Variants in DNAJC13 observed in about 807,000 individuals in gnomAD.
DNAJC13 encodes dnaJ homolog subfamily C member 13.
Under a neutral mutation model 290.5 loss-of-function variants are expected in DNAJC13, and 75 were observed. That is an observed-to-expected ratio of 0.26 (90% confidence interval 0.21 to 0.31). DNAJC13 has a LOEUF of 0.31. DNAJC13 is among the 10% of genes least tolerant of loss of function. The pLI, the probability that DNAJC13 is intolerant of heterozygous loss-of-function variation, is 1.00. For synonymous variants in DNAJC13, 862 were observed against 892.0 expected, an observed-to-expected ratio of 0.97 and a Z score of 0.60; for missense variants, 2,260 against 2,674.5, an observed-to-expected ratio of 0.85 and a Z score of 3.42.
intron 20 of DNAJC13, among the ~76,000 whole-genome samples, chr3:132,470,168 A>G (rs1219728641): frequency 3.7e-5 from 3 of 81,304 alleles, no homozygotes; most frequent in East Asian, 3.2e-4. Flanking sequence ...ATTACTTGAG[A>G]TTAGGGATTG....
At position 132,511,288 on chromosome 3, in the gene DNAJC13, G is replaced by T. The variant is rs138505062; in HGVS notation, c.5293+44G>T. On this transcript the variant is annotated intron_variant, in intron 44 of 55. Coordinates refer to ENST00000260818, the MANE Select transcript of DNAJC13 (RefSeq NM_015268.4). ...GATCAATAAGACTCGTATAATACAG[G>T]AGCCCTAAAAATTCCAATAATCAAT... 534 of 1,575,848 alleles carry T rather than the reference G, an allele frequency of 3.4e-4. 1 individual carries two copies. In the African/African-American group the frequency reaches 6.8e-3, roughly 20 times the overall value.
intron 29 of DNAJC13, among the ~76,000 whole-genome samples, chr3:132,486,761 C>CT (rs1559892825): frequency 6.6e-6 from 1 of 152,118 alleles, no homozygotes; most frequent in Non-Finnish European, 1.5e-5. Context: ...CTTCATTTGA[C>CT]TTTAAGAGCA....
At chr3:132,512,694 G>GT (rs1429044081) in intron 44 of DNAJC13, among the ~76,000 whole-genome samples, 2 of 152,146 alleles carry the variant, frequency 1.3e-5, no homozygotes, top group African/African-American at 2.4e-5. Flanking sequence ...TAGAGGTAGA[G>GT]TGAAATTACT....
chr3:132,421,105 GA>G (rs1426303367), intron 1 of DNAJC13, among the ~76,000 whole-genome samples: 8 of 152,244 alleles, frequency 5.3e-5, no homozygotes, highest in Non-Finnish European at 1.0e-4. Context: ...GTAGTAGAAG[GA>G]AAAAAAGTTA....
intron 54 of DNAJC13, 117 bp from the exon 55 acceptor site, chr3:132,530,881 A>C (rs1166487542): frequency 1.3e-6 from 1 of 761,906 alleles, no homozygotes; most frequent in Non-Finnish European, 2.2e-6. Flanking sequence ...CTTGCTCCAT[A>C]TTTGGGTCTT....
intron 30 of DNAJC13, 99 bp from the exon 31 acceptor site, chr3:132,488,877 A>G (rs898037967): frequency 2.5e-6 from 2 of 814,840 alleles, no homozygotes; most frequent in Non-Finnish European, 3.9e-6. Context: ...GCCATTTGTG[A>G]GTTTTATTTA....
At chr3:132,465,415 C>T (rs917367633) in intron 17 of DNAJC13, among the ~76,000 whole-genome samples, 5 of 152,078 alleles carry the variant, frequency 3.3e-5, no homozygotes, top group Admixed American at 3.3e-4. Flanking sequence ...ATGACTAAAC[C>T]ATAGATTGAA....
intron 55 of DNAJC13, among the ~76,000 whole-genome samples, chr3:132,532,920 T>TTATTATTATTATTATTATTAG (rs1936462502): frequency 6.7e-6 from 1 of 148,940 alleles, no homozygotes; most frequent in Admixed American, 6.7e-5. Flanking sequence ...GTAATTATTA[T>TTATTATTATTATTATTATTAG]TATTATTATT....
chr3:132,512,544 C>T (rs1172209538), intron 44 of DNAJC13, among the ~76,000 whole-genome samples: 1 of 152,098 alleles, frequency 6.6e-6, no homozygotes, highest in Non-Finnish European at 1.5e-5. Context: ...TGTATTTTCA[C>T]AAGGAGTGCT....
chr3:132,423,234 G>A (rs566584918), intron 1 of DNAJC13, among the ~76,000 whole-genome samples: 1 of 152,162 alleles, frequency 6.6e-6, no homozygotes, highest in South Asian at 2.1e-4. Flanking sequence ...AGCTATGATT[G>A]TGTTGCTGCG....
In DNAJC13 at chr3:132,474,936, G is replaced by T; in HGVS notation, c.2296G>T (p.Gly766Cys). 3 of 1,525,998 alleles carry T rather than the reference G, an allele frequency of 2.0e-6. No individual in the cohort carries two copies. The highest frequency in any genetic ancestry group is 2.7e-6 in the Non-Finnish European group (3 of 1,131,576). The allele number at this position is 1,525,998 out of a possible 1,614,324, so 94.5% of individuals were successfully genotyped here. A position where few individuals can be genotyped will look rare whatever the true frequency, so the allele number is the denominator to read the frequency against. The change falls in exon 22 of 56, where the codon GGT (glycine) becomes TGT (cysteine). Residue 766 changes from glycine (G) to cysteine (C), a missense_variant. Transcript: ENST00000260818. ...ANWDLFYYRF[G>C]QDHARSNLIW... ...CCTCATTATATGTATGTCTAGGTTT[G>T]GTCAAGACCATGCCAGGTCAAACCT... is the stretch of plus-strand genomic sequence containing the variant.
intron 13 of DNAJC13, among the ~76,000 whole-genome samples, chr3:132,459,159 T>C (rs1361783221): frequency 6.6e-6 from 1 of 152,212 alleles, no homozygotes; most frequent in African/African-American, 2.4e-5. Flanking sequence ...CAAGGTCATG[T>C]AGCTAGTAAA....
chr3:132,453,943 A>T, intron 8 of DNAJC13, 123 bp from the exon 9 acceptor site: 1 of 845,100 alleles, frequency 1.2e-6, no homozygotes, highest in African/African-American at 1.7e-5. Flanking sequence ...TTAAACTCTT[A>T]TATTGTAAAC....
rs148565972 is a variant in DNAJC13, at chr3:132,455,800, T to C, written c.933-435T>C. 1.7e-3 allele frequency among the ~76,000 whole-genome samples: 253 copies of C among 152,330 alleles called. 1 individual carries two copies. The highest frequency in any genetic ancestry group is 5.7e-3 in the African/African-American group (238 of 41,590). ...TAAAAAGCAAAACTATAGAGATAGA[T>C]CAGTGGTTTCCTGGGGCTGGGGAGT... On this transcript the variant is annotated intron_variant, in intron 9 of 55. Transcript: ENST00000260818.
At chr3:132,467,383 TCA>T (rs1934031887) in intron 20 of DNAJC13, 70 bp downstream of exon 20, 2 of 1,510,860 alleles carry the variant, frequency 1.3e-6, no homozygotes, top group Non-Finnish European at 1.8e-6. Context: ...TTCCTGCTGT[TCA>T]CAGAGATGGT....
intron 36 of DNAJC13, among the ~76,000 whole-genome samples, chr3:132,497,667 G>A (rs1161417416): frequency 6.6e-6 from 1 of 152,154 alleles, no homozygotes; most frequent in African/African-American, 2.4e-5. Flanking sequence ...AAAACCCTTG[G>A]TTGTCTTTTA....
intron 47 of DNAJC13, 34 bp from the exon 48 acceptor site, chr3:132,516,670 C>A: frequency 1.3e-6 from 2 of 1,578,448 alleles, no homozygotes; most frequent in Non-Finnish European, 1.7e-6. Context: ...AAGTCAAATT[C>A]TTTATAAGCA....
chr3:132,508,192 C>T (rs1247907631), intron 43 of DNAJC13, among the ~76,000 whole-genome samples: 3 of 152,134 alleles, frequency 2.0e-5, no homozygotes, highest in African/African-American at 7.2e-5. Flanking sequence ...GGTAAGGAAG[C>T]TGCAGAAGAA....
At chr3:132,460,891 G>A (rs1370660372) in intron 14 of DNAJC13, among the ~76,000 whole-genome samples, 159 bp from the exon 15 acceptor site, 1 of 152,160 alleles carries the variant, frequency 6.6e-6, no homozygotes, top group Admixed American at 6.5e-5. Context: ...GCAAAAGCAA[G>A]TACTAAAGAG....
Sources: gnomAD v4.1 joint callset for allele counts (sites outside exome capture counted in the v4.1 genomes callset) on GRCh38, gnomAD v4.1.1 for gene constraint, MANE v1.5 for transcripts, NCBI Gene and HGNC (gene_info 2026-07-23, HGNC 2026-07-21) for gene names.